DPP10: variants seen among roughly 807,000 people sequenced by gnomAD.
The protein encoded by DPP10 is dipeptidyl peptidase like 10, also known as inactive dipeptidyl peptidase 10.
Under a neutral mutation model 120.9 loss-of-function variants are expected in DPP10, and 33 were observed. The ratio of observed to expected loss-of-function variants is 0.27; its 90% CI spans 0.21 to 0.37. The LOEUF is 0.37. DPP10 is among the 10% of genes least tolerant of loss of function. The pLI, the probability that DPP10 is intolerant of heterozygous loss-of-function variation, is 1.00. For missense variants in DPP10, 816 were observed against 942.8 expected, an observed-to-expected ratio of 0.87 and a Z score of 1.76; for synonymous variants, 337 against 326.1, an observed-to-expected ratio of 1.03 and a Z score of -0.36.
At chr2:114,541,249 G>A (rs936792052) in intron 1 of DPP10, among the ~76,000 whole-genome samples, 4 of 152,040 alleles carry the variant, frequency 2.6e-5, no homozygotes, top group African/African-American at 9.7e-5. Flanking sequence ...TGACATACTC[G>A]GGGGGTCTGG....
chr2:114,525,779 C>A (rs1685448729), intron 1 of DPP10, among the ~76,000 whole-genome samples: 1 of 152,166 alleles, frequency 6.6e-6, no homozygotes, highest in African/African-American at 2.4e-5. Flanking sequence ...ATGAACATCT[C>A]CATGAAAGTA....
chr2:115,194,058 TAA>T (rs2055073838), intron 1 of DPP10, among the ~76,000 whole-genome samples: 1 of 152,234 alleles, frequency 6.6e-6, no homozygotes, highest in Admixed American at 6.5e-5. Flanking sequence ...TTTGGGTCAG[TAA>T]GCTACTTTTT....
At chr2:115,661,161 G>A (rs1180736561) in intron 5 of DPP10, among the ~76,000 whole-genome samples, 1 of 151,986 alleles carries the variant, frequency 6.6e-6, no homozygotes, top group African/African-American at 2.4e-5. Context: ...ATCTTGGCCA[G>A]GCTGATCTTG....
chr2:115,650,453 A>T (rs1446301613), intron 5 of DPP10, among the ~76,000 whole-genome samples: 1 of 151,728 alleles, frequency 6.6e-6, no homozygotes, highest in African/African-American at 2.4e-5. Flanking sequence ...AAAGATAATC[A>T]TATTTTTATA....
At chr2:115,073,868 T>A (rs1707571578) in intron 1 of DPP10, among the ~76,000 whole-genome samples, 3 of 152,362 alleles carry the variant, frequency 2.0e-5, no homozygotes, top group Admixed American at 1.3e-4. Context: ...GAATGGTAGC[T>A]TTTTTATACT....
At chr2:115,281,801 A>C (rs549547800) in intron 1 of DPP10, among the ~76,000 whole-genome samples, 26 of 152,182 alleles carry the variant, frequency 1.7e-4, no homozygotes, top group Non-Finnish European at 3.1e-4. Context: ...AACATTATAA[A>C]GTTACGTGCA....
intron 1 of DPP10, among the ~76,000 whole-genome samples, chr2:115,219,691 G>A (rs1233357866): frequency 1.3e-5 from 2 of 152,012 alleles, no homozygotes; most frequent in Admixed American, 1.3e-4. Flanking sequence ...TTAATAATTA[G>A]GAGAATAAAA....
intron 1 of DPP10, among the ~76,000 whole-genome samples, chr2:114,907,832 T>G (rs927515509): frequency 6.6e-6 from 1 of 152,128 alleles, no homozygotes; most frequent in African/African-American, 2.4e-5. Flanking sequence ...TGTTCAAACA[T>G]GTATTTTCAA....
At chr2:114,964,599 T>TCGCAAAGGCCATGA (rs1698872534) in intron 1 of DPP10, among the ~76,000 whole-genome samples, 1 of 151,842 alleles carries the variant, frequency 6.6e-6, no homozygotes, top group African/African-American at 2.4e-5. Flanking sequence ...GGAAGAGCAA[T>TCGCAAAGGCCATGA]CGCAAAGGCC....
intron 7 of DPP10, among the ~76,000 whole-genome samples, chr2:115,699,928 A>G (rs1294423421): frequency 6.6e-6 from 1 of 152,226 alleles, no homozygotes; most frequent in South Asian, 2.1e-4. Flanking sequence ...CTATAAAGAA[A>G]TATCTGAGGA....
At chr2:115,137,882 C>G (rs1221904988) in intron 1 of DPP10, among the ~76,000 whole-genome samples, 1 of 152,162 alleles carries the variant, frequency 6.6e-6, no homozygotes, top group Non-Finnish European at 1.5e-5. Context: ...GAGACTTAGG[C>G]TGCCAGTATT....
At position 115,567,121 on chromosome 2, in the gene DPP10, C is replaced by CT. The variant is rs538522167; in HGVS notation, c.441+41159dup. The stretch of plus-strand genomic sequence containing the variant: ...ACAGATTTCAAGTACTATTTGGTGT[C>CT]TTTTTTTTTTCTTTTCAGCACATCT... On this transcript the variant is annotated intron_variant, in intron 5 of 25. Transcript: ENST00000410059. 6.9e-4 allele frequency among the ~76,000 whole-genome samples: 103 copies of CT among 148,940 alleles called. No homozygotes were observed. The South Asian group carries it at 0.013, about 19-fold the overall frequency.
chr2:114,967,707 C>G (rs1699131068), intron 1 of DPP10, among the ~76,000 whole-genome samples: 1 of 152,148 alleles, frequency 6.6e-6, no homozygotes, highest in Non-Finnish European at 1.5e-5. Context: ...GGTCGTGAGA[C>G]CCAAAAGTCT....
chr2:114,451,163 G>C (rs1678253911), intron 1 of DPP10, among the ~76,000 whole-genome samples: 2 of 151,950 alleles, frequency 1.3e-5, no homozygotes, highest in Admixed American at 6.6e-5. Context: ...TTTGATCAAG[G>C]ATGGACAGCT....
At chr2:115,127,191 G>A (rs2050123413) in intron 1 of DPP10, among the ~76,000 whole-genome samples, 1 of 152,194 alleles carries the variant, frequency 6.6e-6, no homozygotes, top group Non-Finnish European at 1.5e-5. Context: ...GTGGGCATCT[G>A]TAAGAACTAG....
chr2:115,715,876 A>G (rs1311738361), intron 7 of DPP10, among the ~76,000 whole-genome samples: 6 of 152,312 alleles, frequency 3.9e-5, no homozygotes, highest in Non-Finnish European at 8.8e-5. Flanking sequence ...CAAAAATGCT[A>G]TTTTTCCAGG....
At chr2:115,788,481 C>G (rs1379352752) in intron 17 of DPP10, among the ~76,000 whole-genome samples, 1 of 151,822 alleles carries the variant, frequency 6.6e-6, no homozygotes, top group Admixed American at 6.6e-5. Context: ...CTGACAAGAT[C>G]AATAAAGTTG....
intron 1 of DPP10, among the ~76,000 whole-genome samples, chr2:114,818,194 C>CT (rs889734066): frequency 3.3e-4 from 50 of 151,896 alleles, no homozygotes; most frequent in East Asian, 7.7e-4. Flanking sequence ...CAATAATTTC[C>CT]TTTTTTTTGA....
intron 1 of DPP10, among the ~76,000 whole-genome samples, chr2:115,070,522 T>G (rs1016927894): frequency 2.6e-5 from 4 of 152,138 alleles, no homozygotes; most frequent in Admixed American, 2.6e-4. Flanking sequence ...CATGCTGATG[T>G]TTTGTCCCTG....
Sources: gnomAD v4.1 joint callset for allele counts (sites outside exome capture counted in the v4.1 genomes callset) on GRCh38, gnomAD v4.1.1 for gene constraint, MANE v1.5 for transcripts, NCBI Gene and HGNC (gene_info 2026-07-23, HGNC 2026-07-21) for gene names.